The following PLGRKT variants were observed in gnomAD, a reference collection of about 807,000 sequenced individuals.
PLGRKT encodes the protein plasminogen receptor with a C-terminal lysine, also known as plasminogen receptor (KT).
In PLGRKT, 22 loss-of-function variants were observed where a neutral mutation model predicts 18.5. The ratio of observed to expected loss-of-function variants is 1.19; its 90% CI spans 0.85 to 1.70. PLGRKT has a LOEUF of 1.70. Ranked by LOEUF, PLGRKT falls within the 40% of genes most tolerant of loss-of-function variation. PLGRKT has a pLI of 0.00. For synonymous variants in PLGRKT, 72 were observed against 52.8 expected, an observed-to-expected ratio of 1.36 and a Z score of -1.58; for missense variants, 235 against 174.4, an observed-to-expected ratio of 1.35 and a Z score of -1.96.
In PLGRKT at chr9:5,404,525, A is replaced by G. The variant is rs562219888; in HGVS notation, c.81+27372T>C. Among the ~76,000 whole-genome samples, 127 of 152,300 alleles carry G rather than the reference A, an allele frequency of 8.3e-4. 1 individual carries two copies. The highest frequency in any genetic ancestry group is 1.9e-3 in the Admixed American group (29 of 15,300). On this transcript the variant is annotated intron_variant, in intron 3 of 5. Transcript: ENST00000223864. ...CGCATAAACAGAACTAAAGACAAAA[A>G]CCATATAATTATCTCAATAGATGCA...
At chr9:5,365,336 A>G (rs969050964) in intron 3 of PLGRKT, among the ~76,000 whole-genome samples, 1 of 152,234 alleles carries the variant, frequency 6.6e-6, no homozygotes, top group Non-Finnish European at 1.5e-5. Flanking sequence ...CAGCAAAATA[A>G]ATAACATAGT....
chr9:5,365,989 A>G (rs1337603992), intron 3 of PLGRKT, among the ~76,000 whole-genome samples: 1 of 152,188 alleles, frequency 6.6e-6, no homozygotes, highest in African/African-American at 2.4e-5. Flanking sequence ...AAAAAATTCC[A>G]TGCAGACTCT....
At position 5,397,225 on chromosome 9, in the gene PLGRKT, T is replaced by C. The variant is rs552329272; in HGVS notation, c.81+34672A>G. Among the ~76,000 whole-genome samples the C allele has an allele frequency of 2.6e-5, 4 of 151,992 alleles. No individual in the cohort carries two copies. In the South Asian group the frequency reaches 8.3e-4, roughly 31 times the overall value. The stretch of plus-strand genomic sequence containing the variant: ...CATTAGGAAATGAGCTCATGGACTT[T>C]CTTCCAGGTAAGATCAAAGAAGTCA... On this transcript the variant is annotated intron_variant, in intron 3 of 5. Transcript: ENST00000223864.
At chr9:5,431,453 G>C (rs949938752) in intron 3 of PLGRKT, among the ~76,000 whole-genome samples, 2 of 147,186 alleles carry the variant, frequency 1.4e-5, no homozygotes, top group Non-Finnish European at 3.0e-5. Context: ...AGAATCGCTT[G>C]AACCCAGGAG....
At chr9:5,424,738 A>G (rs1311450411) in intron 3 of PLGRKT, among the ~76,000 whole-genome samples, 7 of 138,540 alleles carry the variant, frequency 5.1e-5, no homozygotes, top group African/African-American at 1.1e-4. Context: ...GAGAGAGAGA[A>G]AGAGACAGAG....
At chr9:5,371,986 CTTT>C (rs71326158) in intron 3 of PLGRKT, among the ~76,000 whole-genome samples, 2 of 89,148 alleles carry the variant, frequency 2.2e-5, no homozygotes, top group Non-Finnish European at 4.1e-5. Flanking sequence ...TCAGAAAATC[CTTT>C]TTTTTTTTTT....
In PLGRKT at chr9:5,422,955, A is replaced by C. The variant is rs568975924; in HGVS notation, c.81+8942T>G. ...ATATCTTCAGTTAATTGCTTTCGAA[A>C]CACCTGGCTGACTTATTTTCTTAAT... On this transcript the variant is annotated intron_variant, in intron 3 of 5. Coordinates refer to ENST00000223864, the MANE Select transcript of PLGRKT (RefSeq NM_018465.4). Among the ~76,000 whole-genome samples, 4 of 152,228 alleles carry C rather than the reference A, an allele frequency of 2.6e-5. No individual in the cohort carries two copies. The South Asian group carries it at 6.2e-4, about 24-fold the overall frequency.
At chr9:5,395,887 A>G (rs1363117549) in intron 3 of PLGRKT, among the ~76,000 whole-genome samples, 1 of 114,172 alleles carries the variant, frequency 8.8e-6, no homozygotes, top group African/African-American at 3.9e-5. Flanking sequence ...CTAACCTAAC[A>G]GTTTTTTTTT....
chr9:5,421,674 T>C (rs1221201723), intron 3 of PLGRKT, among the ~76,000 whole-genome samples: 1 of 152,246 alleles, frequency 6.6e-6, no homozygotes, highest in East Asian at 1.9e-4. Flanking sequence ...TGCTAAATTC[T>C]TGTATGTGGG....
At chr9:5,368,434 A>G (rs990100501) in intron 3 of PLGRKT, among the ~76,000 whole-genome samples, 5 of 152,206 alleles carry the variant, frequency 3.3e-5, no homozygotes, top group African/African-American at 1.2e-4. Context: ...CTTTGCAGCC[A>G]TATGGATGCA....
intron 3 of PLGRKT, among the ~76,000 whole-genome samples, chr9:5,395,114 A>AAAG (rs1419036237): frequency 1.3e-5 from 2 of 151,910 alleles, no homozygotes; most frequent in Non-Finnish European, 1.5e-5. Flanking sequence ...GCAAAAAAAA[A>AAAG]AAAACTTAAT....
At chr9:5,437,346 C>G (rs1273271116) in intron 1 of PLGRKT, among the ~76,000 whole-genome samples, 13 of 152,168 alleles carry the variant, frequency 8.5e-5, no homozygotes, top group Non-Finnish European at 1.5e-5. Flanking sequence ...TATGACTGAT[C>G]GTCTCACCAC....
chr9:5,429,960 C>G (rs998050151), intron 3 of PLGRKT, among the ~76,000 whole-genome samples: 1 of 152,184 alleles, frequency 6.6e-6, no homozygotes, highest in Admixed American at 6.5e-5. Flanking sequence ...CCACCCTCTC[C>G]CCCTGCCACA....
intron 4 of PLGRKT, 79 bp from the exon 5 acceptor site, chr9:5,361,266 AT>A: frequency 1.3e-6 from 1 of 749,648 alleles, no homozygotes; most frequent in Non-Finnish European, 2.2e-6. Context: ...AGAAAAAAAA[AT>A]ACCTGCTTTT....
chr9:5,368,445 G>C (rs10975075), intron 3 of PLGRKT, among the ~76,000 whole-genome samples: 36,212 of 152,058 alleles, frequency 0.24, 5,282 homozygotes, highest in Non-Finnish European at 0.32. Flanking sequence ...TATGGATGCA[G>C]CTGGAGGCCA....
chr9:5,361,165 C>A lies in PLGRKT; in HGVS notation c.235G>T (p.Ala79Ser), dbSNP rs752864637. Residue 79 changes from alanine (A) to serine (S), a missense_variant, in exon 5 of 6, where the codon GCC becomes TCC. Transcript: ENST00000223864. ...AATGGAACAATCGGGACCAGGAAGG[C>A]TGGCTTCTTTTTTTTAATCGCTCTG... ...TAGAIKKKKP[A>S]FLVPIVPLSF... 3.1e-6 allele frequency: 5 copies of A among 1,607,896 alleles called. No homozygotes were observed. In the South Asian group the frequency reaches 5.5e-5, roughly 18 times the overall value.
At chr9:5,434,717 G>A (rs553209631) in intron 2 of PLGRKT, among the ~76,000 whole-genome samples, 84 of 150,008 alleles carry the variant, frequency 5.6e-4, no homozygotes, top group Non-Finnish European at 9.5e-4. Flanking sequence ...TGGCCGCTCC[G>A]TCTGGGAAGT....
intron 3 of PLGRKT, among the ~76,000 whole-genome samples, chr9:5,387,037 T>G (rs544712976): frequency 1.8e-4 from 27 of 152,026 alleles, no homozygotes; most frequent in South Asian, 4.1e-4. Context: ...AGGGCAGAGC[T>G]CCTCAAACTT....
chr9:5,436,387 C>A (rs1818960468), intron 2 of PLGRKT, among the ~76,000 whole-genome samples, 182 bp downstream of exon 2: 1 of 152,202 alleles, frequency 6.6e-6, no homozygotes, highest in Admixed American at 6.5e-5. Flanking sequence ...CTGCTGCAAA[C>A]ATTTATAAAG....
Sources: gnomAD v4.1 joint callset for allele counts (sites outside exome capture counted in the v4.1 genomes callset) on GRCh38, gnomAD v4.1.1 for gene constraint, MANE v1.5 for transcripts, NCBI Gene and HGNC (gene_info 2026-07-23, HGNC 2026-07-21) for gene names.